The following ATP11A variants were observed in gnomAD, a reference collection of about 807,000 sequenced individuals.
ATP11A encodes the protein ATPase phospholipid transporting 11A.
A neutral mutation model predicts 154.4 loss-of-function variants in ATP11A; 81 were observed. The observed-to-expected ratio is 0.52, with a 90% CI of 0.44 to 0.63. The LOEUF (loss-of-function observed/expected upper bound fraction) is 0.63. Ranked by LOEUF, ATP11A falls within the 30% of genes least tolerant of loss-of-function variation. ATP11A has a pLI of 0.00. For synonymous variants in ATP11A, 623 were observed against 585.9 expected (o/e 1.06, Z -0.91); for missense variants, 1,316 against 1,474.3 (o/e 0.89, Z 1.76).
Position 112,886,582 on chromosome 13 carries a change from T to C in ATP11A, c.*4716T>C, listed in dbSNP as rs986890198. ...GGTGGGTGAACTGGAATGAAAATCT[T>C]TCTGATGTTGTGTCTATAAGCAGCC... On this transcript the variant is annotated 3_prime_UTR_variant, in exon 30 of 30. Transcript: ENST00000375645. 5 of 152,550 alleles carry C rather than the reference T, an allele frequency of 3.3e-5. No homozygotes were observed. Among genetic ancestry groups the C allele is most frequent in the Non-Finnish European group, 7.3e-5 (5 of 68,032 alleles). The allele number at this position is 152,550 out of a possible 1,614,324, so 9.4% of individuals were successfully genotyped here.
chr13:112,735,072 C>T (rs907905045), intron 1 of ATP11A, among the ~76,000 whole-genome samples: 5 of 152,094 alleles, frequency 3.3e-5, no homozygotes, highest in Non-Finnish European at 5.9e-5. Context: ...TGTTAGCAGA[C>T]GTCTGGGATG....
At chr13:112,856,975 G>A (rs892550288) in intron 20 of ATP11A, among the ~76,000 whole-genome samples, 1 of 152,236 alleles carries the variant, frequency 6.6e-6, no homozygotes, top group Non-Finnish European at 1.5e-5. Flanking sequence ...ATGTGAGGAA[G>A]ACGGTTTGAT....
At chr13:112,751,620 A>G (rs1295750746) in intron 1 of ATP11A, among the ~76,000 whole-genome samples, 1 of 152,188 alleles carries the variant, frequency 6.6e-6, no homozygotes, top group African/African-American at 2.4e-5. Context: ...AGATCGCACC[A>G]GTGCACTTCA....
At chr13:112,837,591 C>T (rs531386483) in intron 16 of ATP11A, among the ~76,000 whole-genome samples, 1 of 152,346 alleles carries the variant, frequency 6.6e-6, no homozygotes, top group African/African-American at 2.4e-5. Flanking sequence ...GGATCTCACT[C>T]TTCATTGTTT....
At chr13:112,873,490 C>T (rs1038966779) in intron 26 of ATP11A, 83 bp from the exon 27 acceptor site, 1 of 1,060,434 alleles carries the variant, frequency 9.4e-7, no homozygotes, top group Non-Finnish European at 1.3e-6. Flanking sequence ...TTCTCGTCAC[C>T]CCCCGGCTCT....
intron 4 of ATP11A, among the ~76,000 whole-genome samples, chr13:112,806,529 C>T (rs1240055954): frequency 6.6e-6 from 1 of 152,214 alleles, no homozygotes; most frequent in Non-Finnish European, 1.5e-5. Context: ...GTGGTTTTCA[C>T]ATCCCAAATC....
At chr13:112,767,554 G>A (rs1313228605) in intron 1 of ATP11A, among the ~76,000 whole-genome samples, 1 of 151,374 alleles carries the variant, frequency 6.6e-6, no homozygotes, top group Admixed American at 6.6e-5. Context: ...ATGTGGGGGT[G>A]CTGTTGGGAG....
intron 1 of ATP11A, among the ~76,000 whole-genome samples, chr13:112,740,144 C>A (rs1442398178): frequency 2.1e-3 from 224 of 107,304 alleles, no homozygotes; most frequent in African/African-American, 8.5e-3. Context: ...CTCTCTCTCT[C>A]TCTCTATATA....
chr13:112,759,462 C>T (rs761202004), intron 1 of ATP11A, among the ~76,000 whole-genome samples: 2 of 152,210 alleles, frequency 1.3e-5, no homozygotes, highest in Non-Finnish European at 2.9e-5. Context: ...AACAATAGCG[C>T]GTGGACACAT....
At chr13:112,749,533 CAGAAA>C (rs1324665383) in intron 1 of ATP11A, among the ~76,000 whole-genome samples, 5 of 152,292 alleles carry the variant, frequency 3.3e-5, no homozygotes, top group African/African-American at 7.2e-5. Flanking sequence ...TTACAGAACT[CAGAAA>C]AGAAGAGAAG....
At chr13:112,842,986 C>T (rs1732308583) in intron 17 of ATP11A, among the ~76,000 whole-genome samples, 1 of 152,258 alleles carries the variant, frequency 6.6e-6, no homozygotes, top group African/African-American at 2.4e-5. Flanking sequence ...CCCTCCCCGT[C>T]AGACGCGCTA....
In ATP11A at chr13:112,754,412, C is replaced by T. The variant is rs1357249508; in HGVS notation, c.40-30723C>T. On this transcript the variant is annotated intron_variant, in intron 1 of 29. Coordinates refer to ENST00000375645, the MANE Select transcript of ATP11A (RefSeq NM_015205.3). The surrounding 1 kb of genome is among the most constrained non-coding windows in gnomAD (Gnocchi z 5.3). ...CTTGCGTTCACTGTCACCCAGGCAT[C>T]CCTCCCAGCGGCCCTGTGAGGCAGG... 6.6e-6 allele frequency: 1 copy of T among 152,468 alleles called. No individual in the cohort carries two copies. Among genetic ancestry groups the T allele is most frequent in the Non-Finnish European group, 1.5e-5 (1 of 68,238 alleles). 9.4% of individuals were successfully genotyped at this position (152,468 alleles called of 1,614,324 possible).
At chr13:112,832,762 C>G (rs554421825) in intron 13 of ATP11A, 98 bp from the exon 14 acceptor site, 1 of 1,468,232 alleles carries the variant, frequency 6.8e-7, no homozygotes, top group Non-Finnish European at 9.2e-7. Context: ...CGCGGGGACC[C>G]CCCCCACCCC....
intron 1 of ATP11A, among the ~76,000 whole-genome samples, chr13:112,723,982 T>G (rs2139650204): frequency 6.6e-6 from 1 of 152,190 alleles, no homozygotes; most frequent in South Asian, 2.1e-4. Context: ...AAGCCTGTCG[T>G]GTGGCGCAGT....
chr13:112,808,716 G>A (rs1470951946), intron 4 of ATP11A, among the ~76,000 whole-genome samples: 3 of 152,116 alleles, frequency 2.0e-5, no homozygotes, highest in Non-Finnish European at 4.4e-5. Flanking sequence ...CCATCTCCCC[G>A]CTGTCTCCGC....
chr13:112,862,293 T>G lies in ATP11A; in HGVS notation c.2856-147T>G, dbSNP rs920722330. On this transcript the variant is annotated intron_variant, in intron 24 of 29. Transcript: ENST00000375645. ...CTGGTTGTGATGAACATGCCACATT[T>G]GTGGCCAGAGCACAAACTTGATGTT... 9.6e-6 allele frequency: 9 copies of G among 937,466 alleles called. No individual in the cohort carries two copies. The East Asian group carries it at 2.4e-4, about 25-fold the overall frequency. 58.1% of individuals were successfully genotyped at this position (937,466 alleles called of 1,614,324 possible).
At chr13:112,796,455 T>C (rs905589447) in intron 2 of ATP11A, among the ~76,000 whole-genome samples, 5 of 152,200 alleles carry the variant, frequency 3.3e-5, no homozygotes, top group Non-Finnish European at 7.3e-5. Flanking sequence ...CAGAACAGAC[T>C]GTCCGAGCTA....
chr13:112,772,379 T>G lies in ATP11A; in HGVS notation c.40-12756T>G, dbSNP rs527666913. The stretch of plus-strand genomic sequence containing the variant: ...TGGCTGGAAGCAGGGCAGTGAGCAG[T>G]GCTCAGCCTGTCGCGAGTGTGTAGG... On this transcript the variant is annotated intron_variant, in intron 1 of 29. Coordinates refer to ENST00000375645, the MANE Select transcript of ATP11A (RefSeq NM_015205.3). 7.2e-5 allele frequency among the ~76,000 whole-genome samples: 11 copies of G among 152,332 alleles called. No individual in the cohort carries two copies. In the South Asian group the frequency reaches 2.3e-3, roughly 32 times the overall value.
intron 1 of ATP11A, among the ~76,000 whole-genome samples, chr13:112,727,730 G>A (rs1189649303): frequency 2.6e-5 from 4 of 152,172 alleles, no homozygotes; most frequent in African/African-American, 9.6e-5. Context: ...TGGCTGCCTG[G>A]GAAATTCACC....
Sources: gnomAD v4.1 joint callset for allele counts (sites outside exome capture counted in the v4.1 genomes callset) on GRCh38, gnomAD v4.1.1 for gene constraint, Gnocchi (gnomAD v3.1) non-coding constraint, MANE v1.5 for transcripts, NCBI Gene and HGNC (gene_info 2026-07-23, HGNC 2026-07-21) for gene names.